The following PTPN14 variants were observed in gnomAD, a reference collection of about 807,000 sequenced individuals.
The protein encoded by PTPN14 is tyrosine-protein phosphatase non-receptor type 14.
A neutral mutation model predicts 126.8 loss-of-function variants in PTPN14; 53 were observed. The ratio of observed to expected loss-of-function variants is 0.42; its 90% CI spans 0.34 to 0.53. The LOEUF is 0.53. Among genes scored for constraint, PTPN14 ranks in the 20% least tolerant of loss-of-function variants. The pLI is 0.08. For synonymous variants in PTPN14, 630 were observed against 599.3 expected, an observed-to-expected ratio of 1.05 and a Z score of -0.75; for missense variants, 1,257 against 1,552.9, an observed-to-expected ratio of 0.81 and a Z score of 3.20.
In PTPN14 at chr1:214,357,867, C is replaced by G; in HGVS notation, c.*55G>C. The G allele has an allele frequency of 6.5e-7, 1 of 1,543,876 alleles. No individual in the cohort carries two copies. Among genetic ancestry groups the G allele is most frequent in the Non-Finnish European group, 8.9e-7 (1 of 1,121,950 alleles). On this transcript the variant is annotated 3_prime_UTR_variant, in exon 19 of 19. Coordinates refer to ENST00000366956, the MANE Select transcript of PTPN14 (RefSeq NM_005401.5). ...GGGAGCAGATGTTGTCTGGAGGTGA[C>G]TCTCCTCCAGCGCGATGGAGCTGGG...
intron 18 of PTPN14, among the ~76,000 whole-genome samples, chr1:214,361,789 C>A (rs950740977): frequency 1.3e-5 from 2 of 152,202 alleles, no homozygotes; most frequent in African/African-American, 4.8e-5. Flanking sequence ...TCAGCTAACA[C>A]TCAGTGACCA....
At chr1:214,442,588 A>G (rs17732675) in intron 3 of PTPN14, among the ~76,000 whole-genome samples, 1 of 152,174 alleles carries the variant, frequency 6.6e-6, no homozygotes, top group East Asian at 1.9e-4. Context: ...TTTCCTCTTC[A>G]TTATAGGACA....
At chr1:214,374,378 C>T (rs576463284) in intron 15 of PTPN14, among the ~76,000 whole-genome samples, 5 of 152,280 alleles carry the variant, frequency 3.3e-5, no homozygotes, top group East Asian at 1.9e-4. Context: ...TTGGTTTATC[C>T]GTGGAATTGT....
intron 1 of PTPN14, among the ~76,000 whole-genome samples, chr1:214,500,217 T>C (rs1044115750): frequency 1.2e-4 from 18 of 152,212 alleles, no homozygotes; most frequent in African/African-American, 4.1e-4. Flanking sequence ...GGGTCCATAT[T>C]CTTGTATTTG....
intron 2 of PTPN14, among the ~76,000 whole-genome samples, chr1:214,453,575 A>ACATGG (rs146570036): frequency 0.27 from 40,938 of 152,052 alleles, 6,236 homozygotes; most frequent in Non-Finnish European, 0.34. Flanking sequence ...TAACTACATC[A>ACATGG]TAAGTGGTAC....
intron 5 of PTPN14, among the ~76,000 whole-genome samples, chr1:214,404,269 G>A (rs143800926): frequency 9.8e-4 from 149 of 152,318 alleles, no homozygotes; most frequent in Non-Finnish European, 1.6e-3. Flanking sequence ...TAATTCTAGA[G>A]TTCACGAGAG....
At chr1:214,441,035 T>C (rs1660026959) in intron 3 of PTPN14, among the ~76,000 whole-genome samples, 1 of 152,194 alleles carries the variant, frequency 6.6e-6, no homozygotes, top group Non-Finnish European at 1.5e-5. Context: ...TCCCTGTTAC[T>C]CTGATAAAGC....
chr1:214,404,530 A>T (rs182517059), intron 5 of PTPN14, among the ~76,000 whole-genome samples: 174 of 152,338 alleles, frequency 1.1e-3, no homozygotes, highest in East Asian at 1.3e-3. Context: ...GTGGCAACAG[A>T]ATATAAAATA....
intron 1 of PTPN14, among the ~76,000 whole-genome samples, chr1:214,504,888 T>C (rs1428817525): frequency 6.6e-6 from 1 of 152,146 alleles, no homozygotes; most frequent in Non-Finnish European, 1.5e-5. Flanking sequence ...TGGTACTTAC[T>C]GCATAAAGAG....
intron 1 of PTPN14, among the ~76,000 whole-genome samples, chr1:214,506,394 A>G (rs752033467): frequency 4.6e-5 from 7 of 151,528 alleles, no homozygotes; most frequent in Non-Finnish European, 1.5e-5. Flanking sequence ...GCATGTGCCT[A>G]TAATTCCAGC....
chr1:214,382,169 G>A (rs1658488476), intron 13 of PTPN14, among the ~76,000 whole-genome samples: 2 of 152,164 alleles, frequency 1.3e-5, no homozygotes, highest in Non-Finnish European at 2.9e-5. Context: ...CCAAAGTGCT[G>A]GGATTACAGG....
chr1:214,510,305 A>C (rs1654941947), intron 1 of PTPN14, among the ~76,000 whole-genome samples: 2 of 152,228 alleles, frequency 1.3e-5, no homozygotes, highest in Admixed American at 6.5e-5. Flanking sequence ...AGATAATGAA[A>C]GCGTCTGACA....
At position 214,432,323 on chromosome 1, in the gene PTPN14, T is replaced by A. The variant is rs186030614; in HGVS notation, c.345-17597A>T. ...TTTGTTTAATGAATAACAAATTCAA[T>A]ACAGAAAGAAAGAAAAAAGAAACAT... is the stretch of plus-strand genomic sequence containing the variant. On this transcript the variant is annotated intron_variant, in intron 3 of 18. Transcript: ENST00000366956. 4.7e-3 allele frequency among the ~76,000 whole-genome samples: 712 copies of A among 152,072 alleles called. 10 individuals carry two copies. The highest frequency in any genetic ancestry group is 0.016 in the African/African-American group (670 of 41,360).
intron 3 of PTPN14, among the ~76,000 whole-genome samples, chr1:214,448,766 T>G (rs1354722517): frequency 6.6e-6 from 1 of 152,208 alleles, no homozygotes; most frequent in African/African-American, 2.4e-5. Context: ...CTGGTCCACG[T>G]GACAACATTC....
chr1:214,518,492 C>T (rs1295371987), intron 1 of PTPN14, among the ~76,000 whole-genome samples: 2 of 152,176 alleles, frequency 1.3e-5, no homozygotes, highest in African/African-American at 4.8e-5. Context: ...GTATTATCCT[C>T]TATTATCCAC....
intron 3 of PTPN14, among the ~76,000 whole-genome samples, chr1:214,443,466 G>A (rs1413862633): frequency 6.6e-6 from 1 of 152,002 alleles, no homozygotes; most frequent in Non-Finnish European, 1.5e-5. Context: ...GTTCCCTTGA[G>A]GGTTTATTAA....
In PTPN14 at chr1:214,350,177, T is replaced by C. The variant is rs1657675410; in HGVS notation, c.*7745A>G. ...CTAATCTTTCCCCTTCCTAGGTAAG[T>C]GAAAACAGATAAAATGTTTCTGGGC... On this transcript the variant is annotated 3_prime_UTR_variant, in exon 19 of 19. Transcript: ENST00000366956. The C allele has an allele frequency of 6.6e-6, 1 of 152,140 alleles. No individual in the cohort carries two copies. The highest frequency in any genetic ancestry group is 2.4e-5 in the African/African-American group (1 of 41,430). 9.4% of individuals were successfully genotyped at this position (152,140 alleles called of 1,614,324 possible).
intron 11 of PTPN14, among the ~76,000 whole-genome samples, chr1:214,388,648 T>A (rs906579427): frequency 7.9e-5 from 12 of 152,178 alleles, no homozygotes; most frequent in African/African-American, 2.9e-4. Context: ...CCTCAAGTGA[T>A]CCACCCACCT....
rs1051301689 is a variant in PTPN14, at chr1:214,374,214, T to G, written c.2908-1375A>C. ...TTGTTTGAAACTTTTTCCCCTCATTTATTTGATAAAACTGTATGCTAACTT... is the reference window on the plus strand; with the variant it reads ...TTGTTTGAAACTTTTTCCCCTCATTGATTTGATAAAACTGTATGCTAACTT... On this transcript the variant is annotated intron_variant, in intron 15 of 18. Transcript: ENST00000366956. Among the ~76,000 whole-genome samples the G allele has an allele frequency of 5.9e-5, 9 of 152,358 alleles. No individual in the cohort carries two copies. The East Asian group carries it at 1.2e-3, about 20-fold the overall frequency.
Sources: gnomAD v4.1 joint callset for allele counts (sites outside exome capture counted in the v4.1 genomes callset) on GRCh38, gnomAD v4.1.1 for gene constraint, MANE v1.5 for transcripts, NCBI Gene and HGNC (gene_info 2026-07-23, HGNC 2026-07-21) for gene names.